The following NAV1 variants were observed in gnomAD, a reference collection of about 807,000 sequenced individuals.
NAV1 encodes pore membrane and/or filament interacting like protein 3.
In NAV1, 18 loss-of-function variants were observed where a neutral mutation model predicts 175.2. The observed-to-expected ratio is 0.10, with a 90% CI of 0.07 to 0.15. The LOEUF (loss-of-function observed/expected upper bound fraction) is 0.15, where lower values mean the gene tolerates loss of function less well. Among genes scored for constraint, NAV1 ranks in the 10% least tolerant of loss-of-function variants. NAV1 has a pLI of 1.00. For synonymous variants in NAV1, 897 were observed against 978.7 expected, an observed-to-expected ratio of 0.92 and a Z score of 1.56; for missense variants, 1,731 against 2,436.6, an observed-to-expected ratio of 0.71 and a Z score of 6.10.
intron 1 of NAV1, among the ~76,000 whole-genome samples, chr1:201,579,754 A>G (rs1666795138): frequency 6.6e-6 from 1 of 152,200 alleles, no homozygotes; most frequent in Admixed American, 6.5e-5. Flanking sequence ...ATTGGGAGGA[A>G]TAAGGAAAAG....
rs116069688 is a variant in NAV1, at chr1:201,556,062, A to G, written c.-144+16720A>G. Among the ~76,000 whole-genome samples the G allele has an allele frequency of 3.8e-3, 584 of 152,258 alleles. 7 individuals carry two copies. The highest frequency in any genetic ancestry group is 0.013 in the African/African-American group (549 of 41,530). ...ACTGATCCATTCATTCATTCACTAG[A>G]TATTAGCCACAGCTTAGGACTGTCC... On this transcript the variant is annotated intron_variant, in intron 1 of 33. Coordinates refer to the NAV1 transcript ENST00000685211.
chr1:201,753,125 C>G (rs1280799631), intron 3 of NAV1, among the ~76,000 whole-genome samples: 1 of 151,974 alleles, frequency 6.6e-6, no homozygotes, highest in Non-Finnish European at 1.5e-5. Context: ...AGGAAGCTTC[C>G]CAAAGGAAAC....
At chr1:201,615,086 G>A (rs901076760) in intron 2 of NAV1, among the ~76,000 whole-genome samples, 4 of 152,170 alleles carry the variant, frequency 2.6e-5, no homozygotes, top group Non-Finnish European at 5.9e-5. Flanking sequence ...GATACATCAT[G>A]TTCAGGGGCA....
chr1:201,558,653 C>T (rs6679659), intron 1 of NAV1, among the ~76,000 whole-genome samples: 25,626 of 152,028 alleles, frequency 0.17, 2,990 homozygotes, highest in East Asian at 0.3. Context: ...GGTCTCACCA[C>T]GTTGGTCAGG....
chr1:201,782,602 G>A lies in NAV1; in HGVS notation c.2090G>A (p.Ser697Asn). ...GGTGGACCTCGCCCTGTGAGCAGCA[G>A]CATTGACCCCAGTCTCCTCAGCACC... is the stretch of plus-strand genomic sequence containing the variant. Residue 697 changes from serine (S) to asparagine (N), a missense_variant, in exon 6 of 30, where the codon AGC becomes AAC. This residue lies in a region of NAV1 where 634 missense variants were observed against 766.8 expected (regional missense o/e 0.83). Transcript: ENST00000367296. This position sits in a 1 kb window ranked among gnomAD's most constrained non-coding sequence, Gnocchi z 5.4. 1 of 1,614,006 alleles carries A rather than the reference G, an allele frequency of 6.2e-7. No individual in the cohort carries two copies. The highest frequency in any genetic ancestry group is 8.5e-7 in the Non-Finnish European group (1 of 1,179,944).
intron 3 of NAV1, among the ~76,000 whole-genome samples, chr1:201,772,198 A>G (rs193046848): frequency 7.2e-5 from 11 of 152,358 alleles, no homozygotes; most frequent in Admixed American, 2.6e-4. Flanking sequence ...CTGTAGAAAC[A>G]TAAAAGAGAA....
At chr1:201,635,189 C>T (rs1486903248) in intron 2 of NAV1, among the ~76,000 whole-genome samples, 1 of 151,704 alleles carries the variant, frequency 6.6e-6, no homozygotes, top group Non-Finnish European at 1.5e-5. Context: ...CAGACGTCCA[C>T]CACCACACCT....
At chr1:201,632,718 AGCCTCCTCCCT>A (rs1668511753) in intron 2 of NAV1, among the ~76,000 whole-genome samples, 5 of 152,310 alleles carry the variant, frequency 3.3e-5, no homozygotes, top group South Asian at 2.1e-4. Flanking sequence ...AAAAAGCCAG[AGCCTCCTCCCT>A]GCCTCCTTCT....
exon 5 of NAV1, chr1:201,781,287 C>T (rs748903646): frequency 6.2e-7 from 1 of 1,610,538 alleles, no homozygotes; most frequent in Non-Finnish European, 8.5e-7. Flanking sequence ...CTCACACAGC[C>T]CAGAGTGCCC....
chr1:201,683,449 T>C (rs997300526), intron 1 of NAV1, among the ~76,000 whole-genome samples: 21 of 152,126 alleles, frequency 1.4e-4, no homozygotes, highest in African/African-American at 4.8e-4. Context: ...CATCAGACAC[T>C]AGATTCTCAT....
At chr1:201,637,256 A>C (rs1026852397) in intron 2 of NAV1, among the ~76,000 whole-genome samples, 2 of 152,318 alleles carry the variant, frequency 1.3e-5, no homozygotes, top group Admixed American at 1.3e-4. Context: ...GTTCAGACTA[A>C]GATGGGTAAA....
rs546937528 is a variant in NAV1 at position 201,626,726 on chromosome 1, T to C, written c.-100-2678T>C. Among the ~76,000 whole-genome samples, 29 of 152,314 alleles carry C rather than the reference T, an allele frequency of 1.9e-4. 1 individual carries two copies. The East Asian group carries it at 5.6e-3, about 29-fold the overall frequency. Reference sequence around the variant, plus strand: ...CCCAACAGTTCTCTTCTTCCTGCATTGGGTGGGCCTTGGGTTGGACTTCAA... The same window carrying C: ...CCCAACAGTTCTCTTCTTCCTGCATCGGGTGGGCCTTGGGTTGGACTTCAA... On this transcript the variant is annotated intron_variant, in intron 1 of 29. Transcript: ENST00000367302.
intron 1 of NAV1, among the ~76,000 whole-genome samples, chr1:201,680,197 A>G (rs1296053453): frequency 6.6e-6 from 1 of 152,070 alleles, no homozygotes; most frequent in East Asian, 1.9e-4. Context: ...GAGAGAGAGG[A>G]AGGAAGTTCC....
chr1:201,602,671 T>TG lies in NAV1; in HGVS notation c.-33+14022_-33+14023insG, dbSNP rs1558014289. Among the ~76,000 whole-genome samples the TG allele has an allele frequency of 1.6e-4, 24 of 145,818 alleles. 1 individual carries two copies. Among genetic ancestry groups the TG allele is most frequent in the African/African-American group, 5.9e-4 (24 of 40,704 alleles). The stretch of plus-strand genomic sequence containing the variant: ...TTTTGGTTTTTTTTTTTTTTGGTTT[T>TG]TTTTTTACCATGAGCTCATCCAGAG... On this transcript the variant is annotated intron_variant, in intron 2 of 33. Transcript: ENST00000685211.
At chr1:201,764,260 A>G (rs1212285340) in intron 3 of NAV1, among the ~76,000 whole-genome samples, 1 of 152,254 alleles carries the variant, frequency 6.6e-6, no homozygotes, top group East Asian at 1.9e-4. Context: ...TCAAGCTGAC[A>G]TAACAAAATA....
At chr1:201,762,212 C>T (rs1038337980) in intron 3 of NAV1, among the ~76,000 whole-genome samples, 19 of 152,166 alleles carry the variant, frequency 1.2e-4, no homozygotes, top group African/African-American at 4.3e-4. Flanking sequence ...GTAGAAAAAT[C>T]TTGTTTTGAC....
At chr1:201,797,766 AT>A (rs1293910614) in intron 15 of NAV1, 2 of 152,112 alleles carry the variant, frequency 1.3e-5, no homozygotes, top group Non-Finnish European at 2.9e-5. Context: ...TGTTTTCTTA[AT>A]TTCTCTTTTG....
chr1:201,791,376 A>G (rs888024612), intron 13 of NAV1: 1 of 152,668 alleles, frequency 6.6e-6, no homozygotes, highest in Non-Finnish European at 1.5e-5. Context: ...TACTCTCAGT[A>G]CCTCCATTTA....
intron 1 of NAV1, among the ~76,000 whole-genome samples, chr1:201,686,483 C>CA (rs1670690427): frequency 6.6e-6 from 1 of 152,242 alleles, no homozygotes; most frequent in South Asian, 2.1e-4. Flanking sequence ...AGGTGGGGAG[C>CA]AAGCCCCTGA....
Sources: allele counts gnomAD v4.1 joint callset (sites outside exome capture counted in the v4.1 genomes callset), GRCh38; gene constraint gnomAD v4.1.1; regional missense constraint gnomAD v4.1.1; non-coding constraint Gnocchi (gnomAD v3.1); transcripts MANE v1.5; gene names NCBI Gene and HGNC (gene_info 2026-07-23, HGNC 2026-07-21).